The following ME3 variants were observed in gnomAD, a reference collection of about 807,000 sequenced individuals.
The protein encoded by ME3 is malic enzyme 3.
In ME3, 48 loss-of-function variants were observed where a neutral mutation model predicts 68.9. The ratio of observed to expected loss-of-function variants is 0.70; its 90% confidence interval spans 0.55 to 0.89. ME3 has a LOEUF of 0.89. ME3 is among the 40% of genes least tolerant of loss of function. The pLI is 0.00. For synonymous variants in ME3, 320 were observed against 318.8 expected, an observed-to-expected ratio of 1.00 and a Z score of -0.04; for missense variants, 675 against 797.4, an observed-to-expected ratio of 0.85 and a Z score of 1.85.
intron 4 of ME3, among the ~76,000 whole-genome samples, chr11:86,533,904 T>C (rs1452306907): frequency 1.3e-5 from 2 of 152,178 alleles, no homozygotes; most frequent in Non-Finnish European, 2.9e-5. Flanking sequence ...CTACGTGGTA[T>C]AGCCTATTAC....
chr11:86,483,017 C>G (rs1002662914), intron 7 of ME3, among the ~76,000 whole-genome samples: 1 of 152,158 alleles, frequency 6.6e-6, no homozygotes, highest in Non-Finnish European at 1.5e-5. Context: ...CACCACAGAT[C>G]AAGAGGCAAG....
intron 7 of ME3, among the ~76,000 whole-genome samples, chr11:86,485,085 C>G (rs184925059): frequency 1.8e-4 from 28 of 152,314 alleles, no homozygotes. Context: ...CACAGACAGT[C>G]CAGTGCAATG....
intron 4 of ME3, among the ~76,000 whole-genome samples, chr11:86,538,126 G>A (rs1054474800): frequency 6.6e-6 from 1 of 152,130 alleles, no homozygotes; most frequent in African/African-American, 2.4e-5. Context: ...TTCACTTTAG[G>A]AATGTGTTTG....
chr11:86,646,490 C>T (rs1945022455), intron 2 of ME3, among the ~76,000 whole-genome samples: 1 of 152,044 alleles, frequency 6.6e-6, no homozygotes, highest in South Asian at 2.1e-4. Flanking sequence ...AGCATGAAGA[C>T]AGGATTAGAG....
chr11:86,614,937 A>C (rs1457835903), intron 2 of ME3, among the ~76,000 whole-genome samples: 2 of 152,214 alleles, frequency 1.3e-5, no homozygotes, highest in Non-Finnish European at 2.9e-5. Flanking sequence ...AAATGTACTA[A>C]ATACTAAACC....
chr11:86,544,426 A>C (rs564279379), intron 4 of ME3, among the ~76,000 whole-genome samples: 1 of 152,196 alleles, frequency 6.6e-6, no homozygotes, highest in Admixed American at 6.5e-5. Flanking sequence ...ATAAAGAAGA[A>C]AAGAGAGAAG....
At chr11:86,447,876 G>T (rs1054212271) in intron 11 of ME3, among the ~76,000 whole-genome samples, 11 of 116,876 alleles carry the variant, frequency 9.4e-5, no homozygotes, top group Admixed American at 2.5e-4. Context: ...AAAAAAAAAA[G>T]ACAGAGAGAA....
At chr11:86,656,090 C>T (rs1256653666) in intron 2 of ME3, among the ~76,000 whole-genome samples, 1 of 150,712 alleles carries the variant, frequency 6.6e-6, no homozygotes, top group African/African-American at 2.4e-5. Context: ...ATTCAAAAGT[C>T]AGGAAACAAC....
intron 4 of ME3, among the ~76,000 whole-genome samples, chr11:86,532,152 G>A (rs1346836395): frequency 6.6e-6 from 1 of 151,996 alleles, no homozygotes; most frequent in Non-Finnish European, 1.5e-5. Flanking sequence ...TAATGATAAA[G>A]GAGTCAATTC....
In ME3 at chr11:86,660,229, C is replaced by T. The variant is rs115172167; in HGVS notation, c.183+11533G>A. Among the ~76,000 whole-genome samples the T allele has an allele frequency of 6.4e-3, 976 of 152,304 alleles. 17 individuals are homozygous for T. The highest frequency in any genetic ancestry group is 0.022 in the African/African-American group (902 of 41,568). On this transcript the variant is annotated intron_variant, in intron 2 of 14. Coordinates refer to ENST00000543262, the Ensembl canonical transcript of ME3. Reference sequence around the variant, plus strand: ...AAAATTAGATGTAGCCCATGGCCATCGAAAGTGAGTTTGATCCTTCAGTCT... The same window carrying T: ...AAAATTAGATGTAGCCCATGGCCATTGAAAGTGAGTTTGATCCTTCAGTCT...
At chr11:86,661,118 C>T (rs1274577910) in intron 2 of ME3, among the ~76,000 whole-genome samples, 2 of 152,304 alleles carry the variant, frequency 1.3e-5, no homozygotes, top group Admixed American at 6.5e-5. Flanking sequence ...GAGATGCCCA[C>T]GACAGTCTCC....
chr11:86,453,815 G>T (rs967651938), intron 8 of ME3, among the ~76,000 whole-genome samples: 2 of 152,126 alleles, frequency 1.3e-5, no homozygotes, highest in African/African-American at 4.8e-5. Flanking sequence ...TTGCAGTTTG[G>T]CTGTCACTGA....
chr11:86,491,370 T>A (rs763791037), intron 6 of ME3, among the ~76,000 whole-genome samples: 3 of 152,220 alleles, frequency 2.0e-5, no homozygotes, highest in Non-Finnish European at 4.4e-5. Flanking sequence ...CTCCTCACCC[T>A]CTGCCGGGTC....
rs569652768 is a variant in ME3 at position 86,599,545 on chromosome 11, C to G, written c.184-39722G>C. 1.1e-3 allele frequency among the ~76,000 whole-genome samples: 168 copies of G among 152,320 alleles called. 2 individuals carry two copies. The highest frequency in any genetic ancestry group is 3.7e-3 in the African/African-American group (154 of 41,588). On this transcript the variant is annotated intron_variant, in intron 2 of 14. Transcript: ENST00000543262. ...ACACTCTGCAGGTTATTATCCAGGA[C>G]AACTTCCCCAATCTAGCAAGGCAGG...
At chr11:86,533,052 CA>C (rs112609101) in intron 4 of ME3, among the ~76,000 whole-genome samples, 102 of 131,194 alleles carry the variant, frequency 7.8e-4, no homozygotes, top group Non-Finnish European at 6.7e-4. Flanking sequence ...ATGGGGTCTC[CA>C]AAAAAAAAAA....
At chr11:86,472,767 G>A (rs973224247) in intron 7 of ME3, among the ~76,000 whole-genome samples, 4 of 152,136 alleles carry the variant, frequency 2.6e-5, no homozygotes, top group African/African-American at 7.2e-5. Context: ...CTGAGTCCTC[G>A]GAGGCAATGA....
chr11:86,457,571 G>T (rs969548420), intron 8 of ME3: 11 of 1,173,480 alleles, frequency 9.4e-6, no homozygotes, highest in Non-Finnish European at 1.2e-5. Context: ...GGCAAATAAA[G>T]TTATCTCCAT....
chr11:86,671,490 G>A (rs1046000434), intron 2 of ME3, among the ~76,000 whole-genome samples: 4 of 152,344 alleles, frequency 2.6e-5, no homozygotes, highest in African/African-American at 9.6e-5. Context: ...CTGACCGCAG[G>A]TCAGACTGAC....
chr11:86,646,196 G>T (rs1945002704), intron 2 of ME3, among the ~76,000 whole-genome samples: 1 of 152,178 alleles, frequency 6.6e-6, no homozygotes, highest in South Asian at 2.1e-4. Flanking sequence ...ACTGGACAAA[G>T]AATGAGTTTG....
Sources: gnomAD v4.1 joint callset for allele counts (sites outside exome capture counted in the v4.1 genomes callset) on GRCh38, gnomAD v4.1.1 for gene constraint, MANE v1.5 for transcripts, NCBI Gene and HGNC (gene_info 2026-07-23, HGNC 2026-07-21) for gene names.